NR1H4: variants seen among roughly 807,000 people sequenced by gnomAD.
The protein encoded by NR1H4 is bile acid receptor.
In NR1H4, 23 loss-of-function variants were observed where a neutral mutation model predicts 58.5. The ratio of observed to expected loss-of-function variants is 0.39; its 90% CI spans 0.28 to 0.56. The LOEUF (loss-of-function observed/expected upper bound fraction) is 0.56. Ranked by LOEUF, NR1H4 falls within the 20% of genes least tolerant of loss-of-function variation. The probability of loss-of-function intolerance (pLI) is 0.58; values close to 1 mark genes in which losing one functional copy is unlikely to be tolerated. For synonymous variants in NR1H4, 214 were observed against 198.0 expected, an observed-to-expected ratio of 1.08 and a Z score of -0.68; for missense variants, 487 against 576.9, an observed-to-expected ratio of 0.84 and a Z score of 1.60.
At chr12:100,547,689 T>C (rs1221771406) in intron 9 of NR1H4, among the ~76,000 whole-genome samples, 1 of 150,048 alleles carries the variant, frequency 6.7e-6, no homozygotes, top group African/African-American at 2.5e-5. Flanking sequence ...ACAGAAGCAA[T>C]TGTCTTATTC....
At chr12:100,487,640 GGCTGGAGT>G (rs1176025551) in intron 1 of NR1H4, among the ~76,000 whole-genome samples, 3 of 138,588 alleles carry the variant, frequency 2.2e-5, no homozygotes, top group Admixed American at 8.4e-5. Context: ...CTGTTGCCCA[GGCTGGAGT>G]GCTGGAGTGC....
At chr12:100,519,349 G>A (rs1954353321) in intron 4 of NR1H4, among the ~76,000 whole-genome samples, 1 of 152,018 alleles carries the variant, frequency 6.6e-6, no homozygotes, top group Non-Finnish European at 1.5e-5. Flanking sequence ...GCACTGGGGA[G>A]TGGGGCTCTG....
At chr12:100,548,731 C>T (rs774614057) in intron 9 of NR1H4, among the ~76,000 whole-genome samples, 1 of 152,074 alleles carries the variant, frequency 6.6e-6, no homozygotes, top group Non-Finnish European at 1.5e-5. Context: ...AAGATAAAGT[C>T]ATAATCCTCA....
rs553973082 is a variant in NR1H4, at chr12:100,506,570, A to T, written c.80-4208A>T. On this transcript the variant is annotated intron_variant, in intron 3 of 10. Coordinates refer to ENST00000392986, the MANE Select transcript of NR1H4 (RefSeq NM_001206979.2). ...ACCCAGGCTGGAGTGCAATGACATG[A>T]TCTTGGCTCATCACTGCAGGCTCCA... Among the ~76,000 whole-genome samples, 12 of 152,286 alleles carry T rather than the reference A, an allele frequency of 7.9e-5. 1 individual carries two copies. Among genetic ancestry groups the T allele is most frequent in the African/African-American group, 2.9e-4 (12 of 41,568 alleles).
At chr12:100,496,450 G>A (rs145808690) in intron 3 of NR1H4, among the ~76,000 whole-genome samples, 26 of 152,116 alleles carry the variant, frequency 1.7e-4, no homozygotes, top group African/African-American at 6.3e-4. Flanking sequence ...CAAGTGCAAC[G>A]GCCCAAAGTC....
At chr12:100,484,905 G>A (rs973475735) in intron 1 of NR1H4, among the ~76,000 whole-genome samples, 3 of 152,320 alleles carry the variant, frequency 2.0e-5, no homozygotes, top group South Asian at 2.1e-4. Flanking sequence ...TGTAGCAAGG[G>A]CAAGGATGTG....
intron 9 of NR1H4, among the ~76,000 whole-genome samples, chr12:100,557,286 AAG>A (rs1354705300): frequency 1.3e-5 from 2 of 152,152 alleles, no homozygotes; most frequent in African/African-American, 2.4e-5. Context: ...GACAGGGAGA[AAG>A]AGAGATGCTA....
chr12:100,544,654 G>C (rs1314912133), intron 9 of NR1H4, among the ~76,000 whole-genome samples: 1 of 152,072 alleles, frequency 6.6e-6, no homozygotes, highest in Non-Finnish European at 1.5e-5. Flanking sequence ...CACATGCCTG[G>C]CTTGGACTGG....
At chr12:100,486,520 G>T (rs1953495419) in intron 1 of NR1H4, among the ~76,000 whole-genome samples, 1 of 152,142 alleles carries the variant, frequency 6.6e-6, no homozygotes. Context: ...GCCCTTGAAA[G>T]GCAAAATTAA....
At chr12:100,552,058 G>A (rs1955215490) in intron 9 of NR1H4, among the ~76,000 whole-genome samples, 1 of 152,198 alleles carries the variant, frequency 6.6e-6, no homozygotes, top group Admixed American at 6.5e-5. Context: ...AACCCACAGA[G>A]AGTTAACTGT....
At chr12:100,522,245 AATC>A (rs1954443535) in intron 4 of NR1H4, among the ~76,000 whole-genome samples, 1 of 152,074 alleles carries the variant, frequency 6.6e-6, no homozygotes, top group Non-Finnish European at 1.5e-5. Flanking sequence ...TGATAGTAAT[AATC>A]ATGTTGATAG....
intron 8 of NR1H4, among the ~76,000 whole-genome samples, chr12:100,539,591 A>G (rs1051984074): frequency 1.3e-5 from 2 of 152,208 alleles, no homozygotes; most frequent in African/African-American, 4.8e-5. Flanking sequence ...ATGTGCCAGC[A>G]TGCACATGAG....
Position 100,545,641 on chromosome 12 carries a change from C to CAAAAAAAAAAAA in NR1H4, c.1078+4840_1078+4851dup, listed in dbSNP as rs35404680. On this transcript the variant is annotated intron_variant, in intron 9 of 10. Transcript: ENST00000392986. Reference sequence around the variant, plus strand: ...TGGGTGACAGAGTGAGACCTTGTCTCAAAAAAAAAAAAAAAAAAAAAAAAA... The same window carrying CAAAAAAAAAAAA: ...TGGGTGACAGAGTGAGACCTTGTCTCAAAAAAAAAAAAAAAAAAAAAAAAAAAAAAAAAAAAA... 7.5e-3 allele frequency among the ~76,000 whole-genome samples: 59 copies of CAAAAAAAAAAAA among 7,882 alleles called. 2 individuals are homozygous for CAAAAAAAAAAAA. The highest frequency in any genetic ancestry group is 0.029 in the African/African-American group (56 of 1,926). The allele number at this position is 7,882 out of a possible 152,430, so 5.2% of individuals were successfully genotyped here. A position where few individuals can be genotyped will look rare whatever the true frequency, so the allele number is the denominator to read the frequency against.
intron 7 of NR1H4, 127 bp downstream of exon 7, chr12:100,536,737 G>A: frequency 1.4e-6 from 1 of 704,258 alleles, no homozygotes; most frequent in Non-Finnish European, 2.5e-6. Context: ...ATTCAAGTTA[G>A]ACTTTTAAAC....
chr12:100,493,118 T>G (rs1953638733), intron 2 of NR1H4, among the ~76,000 whole-genome samples, 152 bp from the exon 3 acceptor site: 1 of 152,154 alleles, frequency 6.6e-6, no homozygotes, highest in Non-Finnish European at 1.5e-5. Flanking sequence ...TGATAAATAT[T>G]GAGAAAAGAT....
chr12:100,511,291 G>A, intron 4 of NR1H4, 148 bp downstream of exon 4: 2 of 942,036 alleles, frequency 2.1e-6, no homozygotes, highest in South Asian at 1.3e-5. Flanking sequence ...CACCTTTGTT[G>A]TGTAGTCAAA....
rs971425408 is a variant in NR1H4, at chr12:100,475,506, AAT to A, written c.-190+1448_-190+1449del. ...CACAGCTGGAGAGGGAAAGTCATGG[AAT>A]CCTTGTCCTTCCTCTTGTTTCCACC... On this transcript the variant is annotated intron_variant, in intron 1 of 10. Transcript: ENST00000392986. 3.8e-4 allele frequency among the ~76,000 whole-genome samples: 58 copies of A among 152,246 alleles called. 1 individual carries two copies. The highest frequency in any genetic ancestry group is 1.3e-3 in the African/African-American group (56 of 41,564).
chr12:100,511,083 G>T lies in NR1H4; in HGVS notation c.385G>T (p.Val129Phe). ...GATCAAAGGGGATGAGCTGTGTGTT[G>T]TTTGTGGAGACAGAGCCTCTGGATA... ...GRIKGDELCV[V>F]CGDRASGYHY... is the part of the protein sequence containing the mutation. The change falls in exon 4 of 11, where the codon GTT (valine) becomes TTT (phenylalanine). Residue 129 changes from valine (V) to phenylalanine (F), a missense_variant. Val to Phe is a conservative substitution (Grantham distance 50, BLOSUM62 -1). Transcript: ENST00000392986. 6.2e-7 allele frequency: 1 copy of T among 1,614,260 alleles called. No individual in the cohort carries two copies. The highest frequency in any genetic ancestry group is 8.5e-7 in the Non-Finnish European group (1 of 1,180,048).
intron 4 of NR1H4, among the ~76,000 whole-genome samples, chr12:100,523,871 C>A (rs1172602982): frequency 2.6e-5 from 4 of 152,180 alleles, no homozygotes; most frequent in African/African-American, 4.8e-5. Flanking sequence ...TTCTTGCCTT[C>A]ATAGTCACCA....
Sources: allele counts gnomAD v4.1 joint callset (sites outside exome capture counted in the v4.1 genomes callset), GRCh38; gene constraint gnomAD v4.1.1; transcripts MANE v1.5; gene names NCBI Gene and HGNC (gene_info 2026-07-23, HGNC 2026-07-21).